Variants in GCSAML observed in about 807,000 individuals in gnomAD.
GCSAML encodes the protein germinal center-associated signaling and motility-like protein.
Under a neutral mutation model 13.0 loss-of-function variants are expected in GCSAML, and 9 were observed. That is an observed-to-expected ratio of 0.69 (90% CI 0.42 to 1.21). GCSAML has a LOEUF of 1.21. Ranked by LOEUF, GCSAML falls within the 50% of genes most tolerant of loss-of-function variation. The pLI, the probability that GCSAML is intolerant of heterozygous loss-of-function variation, is 0.00. For missense variants in GCSAML, 143 were observed against 153.4 expected, an observed-to-expected ratio of 0.93 and a Z score of 0.36; for synonymous variants, 37 against 52.9, an observed-to-expected ratio of 0.70 and a Z score of 1.31.
upstream of GCSAML, among the ~76,000 whole-genome samples, chr1:247,546,563 G>C (rs570819695): frequency 2.6e-5 from 4 of 151,958 alleles, no homozygotes; most frequent in South Asian, 2.1e-4. Flanking sequence ...GGGTTTCACT[G>C]TGTTAGCCAG....
intron 2 of GCSAML, among the ~76,000 whole-genome samples, chr1:247,558,922 G>A (rs1189008254): frequency 6.6e-6 from 1 of 152,088 alleles, no homozygotes; most frequent in African/African-American, 2.4e-5. Flanking sequence ...TGTGTGGTCT[G>A]TGTTATTTCT....
At chr1:247,540,502 T>C (rs1273809926) in intron 2 of GCSAML, among the ~76,000 whole-genome samples, 1 of 152,264 alleles carries the variant, frequency 6.6e-6, no homozygotes, top group Non-Finnish European at 1.5e-5. Flanking sequence ...GCATTCTACA[T>C]GCTTATTTTT....
rs538305862 is a variant in GCSAML at position 247,531,615 on chromosome 1, C to G, written c.-148+4561C>G. The G allele has an allele frequency of 3.1e-6, 5 of 1,614,160 alleles. No homozygotes were observed. The South Asian group carries it at 5.5e-5, about 18-fold the overall frequency. ...CTAATACCATGTGCCGGAGGGCGCT[C>G]TTCACCTCCGTGTTCCTCAGGGTGT... is the stretch of plus-strand genomic sequence containing the variant. On this transcript the variant is annotated intron_variant, in intron 2 of 5. Coordinates refer to the GCSAML transcript ENST00000366489.
intron 1 of GCSAML, among the ~76,000 whole-genome samples, chr1:247,520,127 T>C (rs1666361888): frequency 6.6e-6 from 1 of 152,234 alleles, no homozygotes; most frequent in Non-Finnish European, 1.5e-5. Context: ...ACTGTAAAAA[T>C]AAATGAAATT....
At chr1:247,547,762 C>T (rs547315959), upstream of GCSAML, among the ~76,000 whole-genome samples, 5 of 152,226 alleles carry the variant, frequency 3.3e-5, no homozygotes, top group East Asian at 9.7e-4. Flanking sequence ...AGTGGCATCA[C>T]CTGGGAACTT....
At chr1:247,532,853 A>G (rs1667049046) in intron 2 of GCSAML, among the ~76,000 whole-genome samples, 1 of 107,856 alleles carries the variant, frequency 9.3e-6, no homozygotes, top group African/African-American at 3.7e-5. Flanking sequence ...GCCAACTTGG[A>G]CTGTATAATA....
chr1:247,519,994 C>G (rs1174689196), intron 1 of GCSAML, among the ~76,000 whole-genome samples: 1 of 152,140 alleles, frequency 6.6e-6, no homozygotes, highest in African/African-American at 2.4e-5. Flanking sequence ...TTTTTCAACT[C>G]ATGCATTTTC....
intron 2 of GCSAML, among the ~76,000 whole-genome samples, chr1:247,563,134 C>G (rs1436764163): frequency 6.6e-6 from 1 of 152,078 alleles, no homozygotes; most frequent in Non-Finnish European, 1.5e-5. Flanking sequence ...AGGCATAAGC[C>G]ATCCCACCCG....
chr1:247,526,667 A>G lies in GCSAML; in HGVS notation c.-262-273A>G, dbSNP rs115244274. On this transcript the variant is annotated intron_variant, in intron 1 of 5. Transcript: ENST00000366489. The surrounding 1 kb of genome is among the most constrained non-coding windows in gnomAD (Gnocchi z 4.8). ...GTGCAGCATGGGAGGAAACCCATACATGAAGTAGAGGGTTCACAGAGCAGG... is the reference window on the plus strand; with the variant it reads ...GTGCAGCATGGGAGGAAACCCATACGTGAAGTAGAGGGTTCACAGAGCAGG... 2.9e-3 allele frequency: 961 copies of G among 328,422 alleles called. 12 individuals carry two copies. Among genetic ancestry groups the G allele is most frequent in the African/African-American group, 0.018 (844 of 46,214 alleles). The allele number at this position is 328,422 out of a possible 1,614,324, so 20.3% of individuals were successfully genotyped here. A position where few individuals can be genotyped will look rare whatever the true frequency, so the allele number is the denominator to read the frequency against.
intron 1 of GCSAML, among the ~76,000 whole-genome samples, chr1:247,549,818 T>C (rs1280804277): frequency 6.6e-6 from 1 of 152,224 alleles, no homozygotes; most frequent in East Asian, 1.9e-4. Flanking sequence ...CAATACTTCA[T>C]AATTTATAGA....
Position 247,575,667 on chromosome 1 carries a change from C to CA in GCSAML, c.*1287dup, listed in dbSNP as rs1668809424. ...AAGCATATATAATTGTCAATTTTTT[C>CA]AATTTTCTAGCCAACAGAGAATCGA... is the stretch of plus-strand genomic sequence containing the variant. On this transcript the variant is annotated 3_prime_UTR_variant, in exon 5 of 5. Transcript: ENST00000366488. 1 of 152,046 alleles carries CA rather than the reference C, an allele frequency of 6.6e-6. No homozygotes were observed. The highest frequency in any genetic ancestry group is 2.1e-4 in the South Asian group (1 of 4,818). The allele number at this position is 152,046 out of a possible 1,614,324, so 9.4% of individuals were successfully genotyped here.
chr1:247,512,258 G>A (rs1666067031), intron 1 of GCSAML, among the ~76,000 whole-genome samples: 1 of 151,528 alleles, frequency 6.6e-6, no homozygotes, highest in African/African-American at 2.4e-5. Context: ...TCATTATGCC[G>A]ATCTTCAATC....
chr1:247,560,844 C>A (rs1479553314), intron 2 of GCSAML, among the ~76,000 whole-genome samples: 1 of 152,084 alleles, frequency 6.6e-6, no homozygotes, highest in Non-Finnish European at 1.5e-5. Flanking sequence ...TCTCAGTGTT[C>A]CATGCCATTT....
intron 1 of GCSAML, among the ~76,000 whole-genome samples, chr1:247,552,629 A>G (rs1033410102): frequency 3.9e-5 from 6 of 152,198 alleles, no homozygotes; most frequent in Non-Finnish European, 7.3e-5. Flanking sequence ...TTATCCTCCC[A>G]TATAAATTTG....
chr1:247,532,842 G>A (rs958595482), intron 2 of GCSAML, among the ~76,000 whole-genome samples: 2 of 143,176 alleles, frequency 1.4e-5, no homozygotes, highest in African/African-American at 5.3e-5. Context: ...CCTTCCTCAC[G>A]GCCAACTTGG....
In GCSAML at chr1:247,575,942, T is replaced by C. The variant is rs1668819673; in HGVS notation, c.*1560T>C. On this transcript the variant is annotated 3_prime_UTR_variant, in exon 5 of 5. Transcript: ENST00000366488. ...GCCTTAATTGACAATGCATTCATTATATATTTTTTTGTATAGTTACAGTAT... is the reference window on the plus strand; with the variant it reads ...GCCTTAATTGACAATGCATTCATTACATATTTTTTTGTATAGTTACAGTAT... 6.6e-6 allele frequency: 1 copy of C among 152,230 alleles called. No homozygotes were observed. The highest frequency in any genetic ancestry group is 6.5e-5 in the Admixed American group (1 of 15,280). The allele number at this position is 152,230 out of a possible 1,614,324, so 9.4% of individuals were successfully genotyped here. A position where few individuals can be genotyped will look rare whatever the true frequency, so the allele number is the denominator to read the frequency against.
chr1:247,538,659 T>C (rs1207888412), intron 2 of GCSAML: 1 of 440,828 alleles, frequency 2.3e-6, no homozygotes, highest in Admixed American at 2.5e-5. Context: ...AGTCTCTTTC[T>C]TTCCACACAT....
intron 4 of GCSAML, among the ~76,000 whole-genome samples, chr1:247,570,962 A>G (rs1394170021): frequency 6.6e-6 from 1 of 152,094 alleles, no homozygotes; most frequent in Non-Finnish European, 1.5e-5. Flanking sequence ...CCGTTATGTA[A>G]TGGCCTTCTT....
intron 2 of GCSAML, among the ~76,000 whole-genome samples, chr1:247,559,738 A>G (rs193252045): frequency 1.3e-5 from 2 of 152,284 alleles, no homozygotes; most frequent in African/African-American, 4.8e-5. Flanking sequence ...ATGTTGGCAG[A>G]GGTGGGCTGT....
Sources: allele counts gnomAD v4.1 joint callset (sites outside exome capture counted in the v4.1 genomes callset), GRCh38; gene constraint gnomAD v4.1.1; non-coding constraint Gnocchi (gnomAD v3.1); transcripts MANE v1.5; gene names NCBI Gene and HGNC (gene_info 2026-07-23, HGNC 2026-07-21).